ANP32A: variants seen among roughly 807,000 people sequenced by gnomAD.
ANP32A encodes the protein acidic nuclear phosphoprotein 32 family member A.
Under a neutral mutation model 33.9 loss-of-function variants are expected in ANP32A, and 1 was observed. The ratio of observed to expected loss-of-function variants is 0.03; its 90% CI spans 0.01 to 0.14. The LOEUF is 0.14. ANP32A is among the 10% of genes least tolerant of loss of function. The pLI, the probability that ANP32A is intolerant of heterozygous loss-of-function variation, is 1.00. For synonymous variants in ANP32A, 115 were observed against 120.5 expected, an observed-to-expected ratio of 0.95 and a Z score of 0.30; for missense variants, 155 against 306.0, an observed-to-expected ratio of 0.51 and a Z score of 3.68.
intron 5 of ANP32A, chr15:68,781,539 G>C (rs1472974445): frequency 6.6e-6 from 1 of 151,272 alleles, no homozygotes; most frequent in African/African-American, 2.4e-5. Flanking sequence ...ATGAGCCTAA[G>C]AGTCTAGACC....
Position 68,780,585 on chromosome 15 carries a change from C to G in ANP32A, c.625-112G>C. On this transcript the variant is annotated intron_variant, in intron 5 of 6. Coordinates refer to ENST00000465139, the MANE Select transcript of ANP32A (RefSeq NM_006305.4). The surrounding 1 kb of genome is among the most constrained non-coding windows in gnomAD (Gnocchi z 4.3). ...GGTCACCCCCAGCCTCTCAGAGCCC[C>G]CACCAAGACTTGACATCTCGGGAGG... 1 of 1,505,232 alleles carries G rather than the reference C, an allele frequency of 6.6e-7. No homozygotes were observed. The highest frequency in any genetic ancestry group is 1.4e-5 in the African/African-American group (1 of 71,406). 93.2% of individuals were successfully genotyped at this position (1,505,232 alleles called of 1,614,324 possible). A position where few individuals can be genotyped will look rare whatever the true frequency, so the allele number is the denominator to read the frequency against.
chr15:68,793,236 G>C lies in ANP32A; in HGVS notation c.55-5317C>G, dbSNP rs576998182. 2.0e-5 allele frequency among the ~76,000 whole-genome samples: 3 copies of C among 152,328 alleles called. No homozygotes were observed. In the East Asian group the frequency reaches 5.8e-4, roughly 29 times the overall value. On this transcript the variant is annotated intron_variant, in intron 1 of 6. Transcript: ENST00000465139. ...GTTTATTGCGCCAGGTATAACATTA[G>C]GTGCTGGGAATATAGAGGTGAGTCA...
chr15:68,814,819 T>C (rs549806319), intron 1 of ANP32A, among the ~76,000 whole-genome samples: 74 of 152,354 alleles, frequency 4.9e-4, no homozygotes, highest in Non-Finnish European at 6.9e-4. Context: ...ATCTGGGCTC[T>C]GAAAGGCTGA....
chr15:68,813,758 T>C lies in ANP32A; in HGVS notation c.54+6940A>G, dbSNP rs577585228. ...AGGCCAGACAATTGGGCCACGTTCA[T>C]TGGGCCAGGGCCCAATCACCAACAA... On this transcript the variant is annotated intron_variant, in intron 1 of 6. Transcript: ENST00000465139. Among the ~76,000 whole-genome samples the C allele has an allele frequency of 8.5e-5, 13 of 152,244 alleles. No homozygotes were observed. In the East Asian group the frequency reaches 2.3e-3, roughly 27 times the overall value.
chr15:68,789,172 G>GT (rs1893969847), intron 1 of ANP32A: 1 of 152,248 alleles, frequency 6.6e-6, no homozygotes, highest in Admixed American at 6.5e-5. Context: ...CCCACACCTG[G>GT]TATCTCAAAG....
At chr15:68,785,918 T>C (rs1206614758) in intron 3 of ANP32A, among the ~76,000 whole-genome samples, 1 of 152,254 alleles carries the variant, frequency 6.6e-6, no homozygotes, top group Admixed American at 6.5e-5. Context: ...ATCAAAATAG[T>C]TTGGCTTTTT....
intron 1 of ANP32A, among the ~76,000 whole-genome samples, chr15:68,811,238 G>A (rs1894307996): frequency 6.6e-6 from 1 of 152,096 alleles, no homozygotes; most frequent in Admixed American, 6.6e-5. Flanking sequence ...TTAGGGAGTA[G>A]GGAGAAGAGT....
At chr15:68,790,253 T>C (rs1402724537) in intron 1 of ANP32A, 1 of 152,222 alleles carries the variant, frequency 6.6e-6, no homozygotes, top group Non-Finnish European at 1.5e-5. Flanking sequence ...GACGGGTCAA[T>C]GGCTTCTCCT....
Position 68,780,751 on chromosome 15 carries a change from G to A in ANP32A, c.625-278C>T. Reference sequence around the variant, plus strand: ...AGTTTCAGGGGGTTATGGATTCCAGGACCCAGGTTAAGAACTCTGATCTGA... The same window carrying A: ...AGTTTCAGGGGGTTATGGATTCCAGAACCCAGGTTAAGAACTCTGATCTGA... On this transcript the variant is annotated intron_variant, in intron 5 of 6. Transcript: ENST00000465139. The surrounding 1 kb of genome is among the most constrained non-coding windows in gnomAD (Gnocchi z 4.3). 1 of 376,518 alleles carries A rather than the reference G, an allele frequency of 2.7e-6. No individual in the cohort carries two copies. Among genetic ancestry groups the A allele is most frequent in the Non-Finnish European group, 4.7e-6 (1 of 213,390 alleles). 23.3% of individuals were successfully genotyped at this position (376,518 alleles called of 1,614,324 possible).
At chr15:68,799,139 T>G (rs908273586) in intron 1 of ANP32A, among the ~76,000 whole-genome samples, 1 of 152,122 alleles carries the variant, frequency 6.6e-6, no homozygotes, top group South Asian at 2.1e-4. Context: ...AAATTATTAG[T>G]GAAGGAAGTG....
intron 1 of ANP32A, among the ~76,000 whole-genome samples, chr15:68,789,070 C>T (rs1893968382): frequency 6.6e-6 from 1 of 152,204 alleles, no homozygotes; most frequent in East Asian, 1.9e-4. Context: ...CTCCAGGCAG[C>T]TGGCCCAGAG....
At chr15:68,807,398 T>C (rs1434294980) in intron 1 of ANP32A, among the ~76,000 whole-genome samples, 1 of 147,542 alleles carries the variant, frequency 6.8e-6, no homozygotes, top group Non-Finnish European at 1.5e-5. Context: ...GCTTGGCTGG[T>C]ATTCCTCCCG....
In ANP32A at chr15:68,779,816, G is replaced by A. The variant is rs1035014121; in HGVS notation, c.*265C>T. 6.4e-6 allele frequency: 3 copies of A among 468,470 alleles called. No individual in the cohort carries two copies. Among genetic ancestry groups the A allele is most frequent in the Non-Finnish European group, 1.1e-5 (3 of 262,032 alleles). 29.0% of individuals were successfully genotyped at this position (468,470 alleles called of 1,614,324 possible). A position where few individuals can be genotyped will look rare whatever the true frequency, so the allele number is the denominator to read the frequency against. ...CTCACTTAGTGTGTACTTAGCTATC[G>A]CATTTACAGGGACAAAAACCGGACA... is the stretch of plus-strand genomic sequence containing the variant. On this transcript the variant is annotated 3_prime_UTR_variant, in exon 7 of 7. Transcript: ENST00000465139.
Position 68,780,545 on chromosome 15 carries a change from G to T in ANP32A, c.625-72C>A, listed in dbSNP as rs189760236. 5 of 1,592,370 alleles carry T rather than the reference G, an allele frequency of 3.1e-6. No individual in the cohort carries two copies. Among genetic ancestry groups the T allele is most frequent in the Non-Finnish European group, 4.3e-6 (5 of 1,170,366 alleles). ...GGACATGCTGAGGAAGCCACACAGA[G>T]CACAAAAAGGCCGGGGTCACCCCCA... On this transcript the variant is annotated intron_variant, in intron 5 of 6. Transcript: ENST00000465139. This position sits in a 1 kb window ranked among gnomAD's most constrained non-coding sequence, Gnocchi z 4.3.
intron 1 of ANP32A, among the ~76,000 whole-genome samples, chr15:68,814,659 C>T (rs1004782874): frequency 3.9e-5 from 6 of 152,096 alleles, no homozygotes; most frequent in Non-Finnish European, 5.9e-5. Context: ...CCATTCCTTC[C>T]GTTCATTAGC....
At chr15:68,799,847 G>A (rs1245688838) in intron 1 of ANP32A, among the ~76,000 whole-genome samples, 3 of 152,230 alleles carry the variant, frequency 2.0e-5, no homozygotes, top group Non-Finnish European at 2.9e-5. Context: ...GAGGGTAGGG[G>A]AGACCATGAT....
At chr15:68,803,322 C>T (rs993318241) in intron 1 of ANP32A, among the ~76,000 whole-genome samples, 5 of 152,216 alleles carry the variant, frequency 3.3e-5, no homozygotes, top group African/African-American at 9.6e-5. Context: ...GGTAAGCCTC[C>T]TCTTGTCCCA....
chr15:68,817,889 C>A (rs1010095332), intron 1 of ANP32A, among the ~76,000 whole-genome samples: 2 of 152,146 alleles, frequency 1.3e-5, no homozygotes, highest in Non-Finnish European at 1.5e-5. Context: ...CCCCCCGCCC[C>A]CCACAGCGAC....
At position 68,780,045 on chromosome 15, in the gene ANP32A, A is replaced by C. The variant is rs1441801858; in HGVS notation, c.*36T>G. The C allele has an allele frequency of 1.2e-6, 2 of 1,605,308 alleles. No individual in the cohort carries two copies. The highest frequency in any genetic ancestry group is 1.7e-5 in the Admixed American group (1 of 59,758). On this transcript the variant is annotated 3_prime_UTR_variant, in exon 7 of 7. Transcript: ENST00000465139. This position sits in a 1 kb window ranked among gnomAD's most constrained non-coding sequence, Gnocchi z 4.3. The stretch of plus-strand genomic sequence containing the variant: ...AGGGGATATGGGTAAAAACAGTCAA[A>C]TCACAATAGGAATTTTTCAAAATAG...
Sources: gnomAD v4.1 joint callset for allele counts (sites outside exome capture counted in the v4.1 genomes callset) on GRCh38, gnomAD v4.1.1 for gene constraint, Gnocchi (gnomAD v3.1) non-coding constraint, MANE v1.5 for transcripts, NCBI Gene and HGNC (gene_info 2026-07-23, HGNC 2026-07-21) for gene names.